Variants in PCDH9 observed in about 807,000 individuals in gnomAD.
The protein encoded by PCDH9 is protocadherin-9.
PCDH9 carries 24 observed loss-of-function variants against 70.6 expected under a neutral mutation model. The observed-to-expected ratio is 0.34, with a 90% CI of 0.25 to 0.48. The LOEUF is 0.48. Among genes scored for constraint, PCDH9 ranks in the 20% least tolerant of loss-of-function variants. The pLI is 0.99. For missense variants in PCDH9, 1,281 were observed against 1,503.6 expected, an observed-to-expected ratio of 0.85 and a Z score of 2.45; for synonymous variants, 562 against 558.5, an observed-to-expected ratio of 1.01 and a Z score of -0.09.
chr13:67,184,622 T>C (rs528358404), intron 2 of PCDH9, among the ~76,000 whole-genome samples: 5 of 152,218 alleles, frequency 3.3e-5, no homozygotes, highest in South Asian at 2.1e-4. Context: ...TCCCGGCTAC[T>C]TGGGGGGCTG....
intron 4 of PCDH9, among the ~76,000 whole-genome samples, chr13:66,614,606 C>T (rs933256071): frequency 2.6e-5 from 4 of 152,112 alleles, no homozygotes; most frequent in African/African-American, 7.2e-5. Context: ...TTGTCTTCCC[C>T]GGAAGCAGGC....
At chr13:67,037,363 A>G (rs2085030881) in intron 2 of PCDH9, among the ~76,000 whole-genome samples, 1 of 152,096 alleles carries the variant, frequency 6.6e-6, no homozygotes, top group African/African-American at 2.4e-5. Flanking sequence ...GAGCCTGGGG[A>G]TATTTATACT....
intron 4 of PCDH9, among the ~76,000 whole-genome samples, chr13:66,574,344 G>A (rs2076781608): frequency 6.6e-6 from 1 of 152,062 alleles, no homozygotes; most frequent in Non-Finnish European, 1.5e-5. Context: ...CTCTCTCTAT[G>A]TCTTTACTGA....
intron 2 of PCDH9, among the ~76,000 whole-genome samples, chr13:67,089,852 T>C (rs2086182500): frequency 6.6e-6 from 1 of 152,026 alleles, no homozygotes; most frequent in East Asian, 1.9e-4. Flanking sequence ...TGGTGTCATT[T>C]CTTTACCCTT....
At chr13:66,361,283 A>G (rs1956466988) in intron 4 of PCDH9, among the ~76,000 whole-genome samples, 1 of 152,106 alleles carries the variant, frequency 6.6e-6, no homozygotes, top group Admixed American at 6.6e-5. Flanking sequence ...TTTCTATCCA[A>G]CTATAATTCT....
chr13:66,566,684 C>A (rs1395131897), intron 4 of PCDH9, among the ~76,000 whole-genome samples: 1 of 152,002 alleles, frequency 6.6e-6, no homozygotes, highest in African/African-American at 2.4e-5. Flanking sequence ...AGTGATTTGG[C>A]CTGTTATTAG....
intron 4 of PCDH9, among the ~76,000 whole-genome samples, chr13:66,465,003 G>A (rs1958492522): frequency 6.6e-6 from 1 of 151,794 alleles, no homozygotes; most frequent in Admixed American, 6.6e-5. Context: ...CTATAGAAAG[G>A]GAACAACCAA....
intron 4 of PCDH9, among the ~76,000 whole-genome samples, chr13:66,504,024 C>G (rs1959190943): frequency 6.6e-6 from 1 of 152,292 alleles, no homozygotes; most frequent in South Asian, 2.1e-4. Context: ...TTCTTAGCAT[C>G]AATATGCTAA....
chr13:66,351,665 T>C (rs1956293139), intron 4 of PCDH9, among the ~76,000 whole-genome samples: 1 of 152,078 alleles, frequency 6.6e-6, no homozygotes, highest in Non-Finnish European at 1.5e-5. Context: ...AGTTACACAT[T>C]AAGAAACTAC....
At chr13:66,497,175 C>T (rs1224184439) in intron 4 of PCDH9, among the ~76,000 whole-genome samples, 1 of 151,842 alleles carries the variant, frequency 6.6e-6, no homozygotes, top group African/African-American at 2.4e-5. Context: ...TCAGGTGATC[C>T]TCTTTGCCTC....
chr13:66,822,161 C>G (rs1020643207), intron 3 of PCDH9, among the ~76,000 whole-genome samples: 3 of 151,952 alleles, frequency 2.0e-5, no homozygotes, highest in African/African-American at 7.3e-5. Context: ...CACACACACT[C>G]ATATATAGAC....
chr13:66,628,132 T>TACAAA (rs974651185), intron 4 of PCDH9, among the ~76,000 whole-genome samples: 1 of 152,154 alleles, frequency 6.6e-6, no homozygotes, highest in African/African-American at 2.4e-5. Flanking sequence ...CAAAGATAAA[T>TACAAA]ACAAAACAAA....
chr13:66,884,472 T>C (rs1566265793), intron 3 of PCDH9, among the ~76,000 whole-genome samples: 1 of 152,184 alleles, frequency 6.6e-6, no homozygotes, highest in East Asian at 1.9e-4. Flanking sequence ...TCTTGTGAGT[T>C]AGGCTGATTT....
At chr13:66,918,057 A>G (rs563378674) in intron 2 of PCDH9, among the ~76,000 whole-genome samples, 1 of 151,466 alleles carries the variant, frequency 6.6e-6, no homozygotes, top group African/African-American at 2.4e-5. Context: ...TGAACATTTA[A>G]GCTAAGAGGA....
chr13:66,952,464 A>G (rs1052914857), intron 2 of PCDH9, among the ~76,000 whole-genome samples: 1 of 152,178 alleles, frequency 6.6e-6, no homozygotes, highest in Non-Finnish European at 1.5e-5. Flanking sequence ...TTATTTTTAT[A>G]TTCTATTTTT....
At chr13:66,754,318 T>A (rs548441950) in intron 3 of PCDH9, among the ~76,000 whole-genome samples, 1 of 152,178 alleles carries the variant, frequency 6.6e-6, no homozygotes, top group South Asian at 2.1e-4. Flanking sequence ...ATGGCACATG[T>A]ATACCTATGT....
intron 4 of PCDH9, among the ~76,000 whole-genome samples, chr13:66,320,746 T>A (rs2138087537): frequency 6.6e-6 from 1 of 152,102 alleles, no homozygotes; most frequent in Non-Finnish European, 1.5e-5. Context: ...TAGGGCTACC[T>A]TGTTGACAGT....
chr13:66,801,428 T>C (rs1419936459), intron 3 of PCDH9, among the ~76,000 whole-genome samples: 1 of 152,172 alleles, frequency 6.6e-6, no homozygotes, highest in Non-Finnish European at 1.5e-5. Flanking sequence ...TTACACTTAC[T>C]GATATTTGCC....
intron 4 of PCDH9, among the ~76,000 whole-genome samples, chr13:66,538,727 T>A (rs1960814275): frequency 6.7e-6 from 1 of 149,108 alleles, no homozygotes; most frequent in Non-Finnish European, 1.5e-5. Context: ...GAAATGTCAA[T>A]CTCATCTAAG....
Sources: gnomAD v4.1 joint callset for allele counts (sites outside exome capture counted in the v4.1 genomes callset) on GRCh38, gnomAD v4.1.1 for gene constraint, MANE v1.5 for transcripts, NCBI Gene and HGNC (gene_info 2026-07-23, HGNC 2026-07-21) for gene names.